Variants in POLE2 observed in about 807,000 individuals in gnomAD.
The protein encoded by POLE2 is DNA polymerase epsilon 2, accessory subunit, also known as DNA polymerase epsilon subunit 2.
POLE2 carries 56 observed loss-of-function variants against 79.4 expected under a neutral mutation model. That is an observed-to-expected ratio of 0.71 (90% confidence interval 0.57 to 0.88). The LOEUF is 0.88. POLE2 is among the 40% of genes least tolerant of loss of function. The pLI is 0.00. For synonymous variants in POLE2, 212 were observed against 214.0 expected (o/e 0.99, Z 0.08); for missense variants, 598 against 638.9 (o/e 0.94, Z 0.69).
intron 18 of POLE2, 168 bp downstream of exon 18, chr14:49,647,125 A>C: frequency 2.1e-6 from 1 of 467,838 alleles, no homozygotes; most frequent in Non-Finnish European, 3.8e-6. Context: ...TCATGTACCC[A>C]CAATTCTGTG....
rs150871483 is a variant in POLE2 at position 49,649,640 on chromosome 14, G to A, written c.1497+625C>T. ...AATTATTGTAATTTTTAGTAGAGAC[G>A]GGGTTTCACCATGTTGGTCAGGCTG... On this transcript the variant is annotated intron_variant, in intron 17 of 18. Transcript: ENST00000216367. Among the ~76,000 whole-genome samples the A allele has an allele frequency of 4.2e-3, 631 of 151,368 alleles. 4 individuals are homozygous for A. The highest frequency in any genetic ancestry group is 0.015 in the African/African-American group (602 of 41,280).
At position 49,682,058 on chromosome 14, in the gene POLE2, G is replaced by A. The variant is rs370008363; in HGVS notation, c.169+1535C>T. On this transcript the variant is annotated intron_variant, in intron 2 of 18. Coordinates refer to ENST00000216367, the MANE Select transcript of POLE2 (RefSeq NM_002692.4). ...CTCACTCTGTCACCCAGTCTGGAGTGCAGTGGCATAATCTCAGCTCACTGC... is the reference window on the plus strand; with the variant it reads ...CTCACTCTGTCACCCAGTCTGGAGTACAGTGGCATAATCTCAGCTCACTGC... 1.5e-4 allele frequency among the ~76,000 whole-genome samples: 22 copies of A among 143,820 alleles called. No individual in the cohort carries two copies. In the East Asian group the frequency reaches 1.9e-3, roughly 12 times the overall value. 94.4% of individuals were successfully genotyped at this position (143,820 alleles called of 152,430 possible). A position where few individuals can be genotyped will look rare whatever the true frequency, so the allele number is the denominator to read the frequency against.
At chr14:49,668,802 G>A (rs997215510) in intron 6 of POLE2, among the ~76,000 whole-genome samples, 24 of 151,978 alleles carry the variant, frequency 1.6e-4, no homozygotes, top group Admixed American at 7.9e-4. Context: ...TCTAATAAAA[G>A]TTTTGTTTGT....
At chr14:49,684,418 T>C (rs1886967619) in intron 1 of POLE2, 1 of 150,722 alleles carries the variant, frequency 6.6e-6, no homozygotes. Flanking sequence ...TAAGCCGAGA[T>C]CGCGCCACTG....
chr14:49,647,803 T>C (rs1883894384), intron 17 of POLE2, among the ~76,000 whole-genome samples: 1 of 152,228 alleles, frequency 6.6e-6, no homozygotes, highest in African/African-American at 2.4e-5. Context: ...TAAAAGTCCT[T>C]GGTTGTGACT....
chr14:49,649,861 A>G (rs1884080897), intron 17 of POLE2, among the ~76,000 whole-genome samples: 1 of 152,234 alleles, frequency 6.6e-6, no homozygotes, highest in Non-Finnish European at 1.5e-5. Context: ...AGGTTTCTAT[A>G]TTAATCAGGC....
chr14:49,654,530 G>A (rs1434229144), intron 13 of POLE2: 1 of 455,390 alleles, frequency 2.2e-6, no homozygotes, highest in Non-Finnish European at 3.8e-6. Flanking sequence ...ATCGGAGAGT[G>A]AAGCTCTAGA....
At chr14:49,659,788 T>C (rs916273496) in intron 10 of POLE2, among the ~76,000 whole-genome samples, 7 of 152,128 alleles carry the variant, frequency 4.6e-5, no homozygotes, top group Non-Finnish European at 7.3e-5. Context: ...GGTTTTGTTA[T>C]GTTGTCTAGA....
chr14:49,650,442 C>A lies in POLE2; in HGVS notation c.1321-1G>T. On this transcript the variant is annotated splice_acceptor_variant, in intron 16 of 18. Coordinates refer to ENST00000216367, the MANE Select transcript of POLE2 (RefSeq NM_002692.4). LOFTEE classifies it high-confidence loss of function. ...CTTGGGATAAGATAGTCTTTACAAA[C>A]TACAAAAGAGCACAAAACAAAGCAA... The A allele has an allele frequency of 6.9e-7, 1 of 1,443,712 alleles. No homozygotes were observed. The highest frequency in any genetic ancestry group is 9.2e-7 in the Non-Finnish European group (1 of 1,087,536). 89.4% of individuals were successfully genotyped at this position (1,443,712 alleles called of 1,614,324 possible). A position where few individuals can be genotyped will look rare whatever the true frequency, so the allele number is the denominator to read the frequency against.
In POLE2 at chr14:49,647,329, T is replaced by G. The variant is rs774981743; in HGVS notation, c.1529A>C (p.Lys510Thr). 3 of 1,574,664 alleles carry G rather than the reference T, an allele frequency of 1.9e-6. No homozygotes were observed. In the South Asian group the frequency reaches 3.5e-5, roughly 18 times the overall value. ...TGTCTTATTAGAAGGATAAAAAACT[T>G]TGAATGAAAATCCACTTCTTGGAAA... ...GSFPRSGFSF[K>T]VFYPSNKTVE... Residue 510 changes from lysine to threonine, a missense_variant, in exon 18 of 19, where the codon AAA becomes ACA. Physicochemically the swap from Lys to Thr is moderately conservative, Grantham distance 78. Coordinates refer to ENST00000216367, the MANE Select transcript of POLE2 (RefSeq NM_002692.4).
chr14:49,674,060 G>A lies in POLE2; in HGVS notation c.417+63C>T, dbSNP rs574463254. On this transcript the variant is annotated intron_variant, in intron 5 of 18. Coordinates refer to ENST00000216367, the MANE Select transcript of POLE2 (RefSeq NM_002692.4). ...AATATCCCTGAGATTTCCCTAAACT[G>A]AAACAGTCTCCTTTTCTCTCATTTT... 4 of 980,538 alleles carry A rather than the reference G, an allele frequency of 4.1e-6. No homozygotes were observed. In the African/African-American group the frequency reaches 4.8e-5, roughly 12 times the overall value. 60.7% of individuals were successfully genotyped at this position (980,538 alleles called of 1,614,324 possible). A position where few individuals can be genotyped will look rare whatever the true frequency, so the allele number is the denominator to read the frequency against.
At chr14:49,670,524 A>C (rs566340230) in intron 5 of POLE2, among the ~76,000 whole-genome samples, 1 of 151,988 alleles carries the variant, frequency 6.6e-6, no homozygotes, top group South Asian at 2.1e-4. Flanking sequence ...TAGGATTGAT[A>C]CCCCTTCCCC....
intron 13 of POLE2, 184 bp from the exon 14 acceptor site, chr14:49,654,398 T>C (rs1325737194): frequency 3.5e-6 from 2 of 572,702 alleles, no homozygotes; most frequent in Non-Finnish European, 6.1e-6. Context: ...GATAGAAAAG[T>C]TCTATATCTG....
At chr14:49,646,222 A>G (rs970329433) in intron 18 of POLE2, among the ~76,000 whole-genome samples, 1 of 151,652 alleles carries the variant, frequency 6.6e-6, no homozygotes, top group South Asian at 2.1e-4. Flanking sequence ...GAAAAAGACA[A>G]CTGGGCTGTG....
chr14:49,664,562 AC>A (rs1328108473), intron 9 of POLE2, 63 bp downstream of exon 9: 11 of 1,013,202 alleles, frequency 1.1e-5, no homozygotes, highest in African/African-American at 1.6e-5. Flanking sequence ...AACATATTTT[AC>A]CCAAAGCAGA....
chr14:49,661,532 C>G (rs865884459), intron 10 of POLE2, among the ~76,000 whole-genome samples: 7 of 152,114 alleles, frequency 4.6e-5, no homozygotes, highest in African/African-American at 1.7e-4. Flanking sequence ...TCAGAAAAGC[C>G]TTACTCACAT....
At chr14:49,645,423 G>A (rs1250637012) in intron 18 of POLE2, among the ~76,000 whole-genome samples, 1 of 152,216 alleles carries the variant, frequency 6.6e-6, no homozygotes, top group Non-Finnish European at 1.5e-5. Flanking sequence ...AAGAAGGCCA[G>A]ATTATTTCAA....
intron 3 of POLE2, among the ~76,000 whole-genome samples, chr14:49,675,855 G>C (rs1387627414): frequency 6.6e-6 from 1 of 152,152 alleles, no homozygotes; most frequent in Non-Finnish European, 1.5e-5. Context: ...CTGGGTTCAA[G>C]TGATTCTCCT....
rs78243381 is a variant in POLE2, at chr14:49,656,051, C to A, written c.756-208G>T. On this transcript the variant is annotated intron_variant, in intron 10 of 18. Transcript: ENST00000216367. ...CAGTAAATAAAATAATAGGCTATAT[C>A]TGTGTCTTAAAACTGACTAAACGGC... 1.1e-3 allele frequency among the ~76,000 whole-genome samples: 164 copies of A among 152,266 alleles called. 3 individuals are homozygous for A. The East Asian group carries it at 0.018, about 16-fold the overall frequency.
Sources: gnomAD v4.1 joint callset for allele counts (sites outside exome capture counted in the v4.1 genomes callset) on GRCh38, gnomAD v4.1.1 for gene constraint, MANE v1.5 for transcripts, NCBI Gene and HGNC (gene_info 2026-07-23, HGNC 2026-07-21) for gene names.